The following PTPRD variants were observed in gnomAD, a reference collection of about 807,000 sequenced individuals.
PTPRD encodes the protein protein tyrosine phosphatase receptor type D, also known as receptor-type tyrosine-protein phosphatase delta.
Under a neutral mutation model 214.5 loss-of-function variants are expected in PTPRD, and 34 were observed. That is an observed-to-expected ratio of 0.16 (90% CI 0.12 to 0.21). The LOEUF (loss-of-function observed/expected upper bound fraction) is 0.21. Ranked by LOEUF, PTPRD falls within the 10% of genes least tolerant of loss-of-function variation. The pLI is 1.00. For missense variants in PTPRD, 2,545 were observed against 2,398.7 expected (o/e 1.06, Z -1.27); for synonymous variants, 1,128 against 845.7 (o/e 1.33, Z -5.79).
chr9:10,233,766 T>C (rs1428854898), intron 3 of PTPRD, among the ~76,000 whole-genome samples: 1 of 151,954 alleles, frequency 6.6e-6, no homozygotes. Flanking sequence ...GGAATTCGTA[T>C]AACAGACAAC....
intron 10 of PTPRD, among the ~76,000 whole-genome samples, chr9:9,081,107 T>A (rs2099758353): frequency 6.6e-6 from 1 of 152,296 alleles, no homozygotes; most frequent in South Asian, 2.1e-4. Flanking sequence ...TTTTAGATCT[T>A]TCCTGCTTTC....
rs1311835025 is a variant in PTPRD, at chr9:10,190,401, AAAAAAAAAAAAAAAAAAAAC to A, written c.-545+150542_-545+150561del. Among the ~76,000 whole-genome samples, 133 of 57,358 alleles carry A rather than the reference AAAAAAAAAAAAAAAAAAAAC, an allele frequency of 2.3e-3. 7 individuals carry two copies. In the South Asian group the frequency reaches 0.076, roughly 33 times the overall value. The allele number at this position is 57,358 out of a possible 152,430, so 37.6% of individuals were successfully genotyped here. Reference sequence around the variant, plus strand: ...TCTATCTCCAGAAAAAAAAAAAAAAAAAAAAAAAAAAAAAAAAAACAAAAAGTCAAAGTGGGCCAGGCGCT... The same window carrying A: ...TCTATCTCCAGAAAAAAAAAAAAAAAAAAAAGTCAAAGTGGGCCAGGCGCT... On this transcript the variant is annotated intron_variant, in intron 3 of 45. Coordinates refer to ENST00000381196, the MANE Select transcript of PTPRD (RefSeq NM_002839.4).
chr9:9,785,290 G>A (rs936371150), intron 5 of PTPRD, among the ~76,000 whole-genome samples: 7 of 151,966 alleles, frequency 4.6e-5, no homozygotes, highest in African/African-American at 1.4e-4. Flanking sequence ...GGTGAAGCAG[G>A]ATATTTGCAT....
intron 9 of PTPRD, among the ~76,000 whole-genome samples, chr9:9,375,787 T>C (rs966061764): frequency 6.6e-6 from 1 of 152,112 alleles, no homozygotes; most frequent in Non-Finnish European, 1.5e-5. Context: ...TGGTTATCAA[T>C]GGCAGGGAGG....
chr9:9,618,905 GA>G (rs961268427), intron 7 of PTPRD, among the ~76,000 whole-genome samples: 4 of 151,354 alleles, frequency 2.6e-5, no homozygotes, highest in African/African-American at 7.3e-5. Context: ...GCAAACAAAG[GA>G]AAAAAAACCT....
At chr9:10,407,078 G>C (rs886481383) in intron 2 of PTPRD, among the ~76,000 whole-genome samples, 1 of 151,464 alleles carries the variant, frequency 6.6e-6, no homozygotes, top group African/African-American at 2.4e-5. Context: ...ATATTATAAT[G>C]CCCAACGTCT....
intron 3 of PTPRD, among the ~76,000 whole-genome samples, chr9:10,332,796 G>A (rs1535663): frequency 0.42 from 63,877 of 151,530 alleles, 16,149 homozygotes; most frequent in African/African-American, 0.69. Flanking sequence ...TTTAACCACT[G>A]TGTCATGAGC....
intron 18 of PTPRD, 44 bp from the exon 19 acceptor site, chr9:8,523,568 G>T (rs753090968): frequency 5.6e-6 from 9 of 1,608,700 alleles, no homozygotes; most frequent in Non-Finnish European, 7.6e-6. Context: ...ATGAAATGAG[G>T]AAAGGAGAAA....
intron 12 of PTPRD, among the ~76,000 whole-genome samples, chr9:8,683,244 T>G (rs2097587168): frequency 6.6e-6 from 1 of 152,210 alleles, no homozygotes; most frequent in Admixed American, 6.5e-5. Flanking sequence ...TGACTTTGCA[T>G]TCATGATTTG....
chr9:8,899,701 C>T (rs2098650638), intron 11 of PTPRD, among the ~76,000 whole-genome samples: 1 of 152,174 alleles, frequency 6.6e-6, no homozygotes, highest in Non-Finnish European at 1.5e-5. Context: ...GAACGTTTCT[C>T]CTTTCACTTG....
At chr9:10,467,722 G>C (rs907258347) in intron 2 of PTPRD, among the ~76,000 whole-genome samples, 1 of 152,178 alleles carries the variant, frequency 6.6e-6, no homozygotes, top group Non-Finnish European at 1.5e-5. Flanking sequence ...TAATGGAGTA[G>C]AGAGAGAAGA....
chr9:10,519,155 C>T (rs1301212506), intron 2 of PTPRD, among the ~76,000 whole-genome samples: 3 of 139,316 alleles, frequency 2.2e-5, no homozygotes, highest in African/African-American at 8.0e-5. Flanking sequence ...GACAAAATGG[C>T]AATGTAAAAA....
chr9:10,481,567 C>A (rs1443695588), intron 2 of PTPRD, among the ~76,000 whole-genome samples: 1 of 152,042 alleles, frequency 6.6e-6, no homozygotes, highest in African/African-American at 2.4e-5. Flanking sequence ...TGTCTCTTAG[C>A]CTCATGAGAA....
intron 10 of PTPRD, among the ~76,000 whole-genome samples, chr9:9,163,463 C>G (rs549382513): frequency 3.1e-4 from 47 of 152,064 alleles, no homozygotes; most frequent in African/African-American, 1.1e-3. Context: ...TTTCTATTGT[C>G]AAATTGCTTT....
chr9:10,272,506 C>T (rs2094476332), intron 3 of PTPRD, among the ~76,000 whole-genome samples: 1 of 152,168 alleles, frequency 6.6e-6, no homozygotes. Flanking sequence ...GGATAACTCA[C>T]TGTTAAACAC....
intron 14 of PTPRD, among the ~76,000 whole-genome samples, chr9:8,539,813 C>G (rs1347832305): frequency 6.6e-6 from 1 of 151,998 alleles, no homozygotes; most frequent in Non-Finnish European, 1.5e-5. Flanking sequence ...TCCAGGTTGA[C>G]AAGTACAAAA....
intron 2 of PTPRD, among the ~76,000 whole-genome samples, chr9:10,522,327 G>T (rs1411100602): frequency 6.6e-6 from 1 of 152,132 alleles, no homozygotes; most frequent in Non-Finnish European, 1.5e-5. Context: ...GTGTGGTGTG[G>T]ACATCACAAG....
chr9:8,575,805 A>C (rs1002710760), intron 14 of PTPRD, among the ~76,000 whole-genome samples: 12 of 152,184 alleles, frequency 7.9e-5, no homozygotes, highest in Admixed American at 7.9e-4. Flanking sequence ...TAAGTCATAA[A>C]TGCATTAACT....
intron 8 of PTPRD, among the ~76,000 whole-genome samples, chr9:9,542,908 GCCA>G (rs2077938062): frequency 6.6e-6 from 1 of 151,626 alleles, no homozygotes; most frequent in Non-Finnish European, 1.5e-5. Flanking sequence ...AGAACTGCTT[GCCA>G]CTTCGTTATA....
Sources: gnomAD v4.1 joint callset for allele counts (sites outside exome capture counted in the v4.1 genomes callset) on GRCh38, gnomAD v4.1.1 for gene constraint, MANE v1.5 for transcripts, NCBI Gene and HGNC (gene_info 2026-07-23, HGNC 2026-07-21) for gene names.